The following LDB2 variants were observed in gnomAD, a reference collection of about 807,000 sequenced individuals.
LDB2 encodes LIM domain binding 2.
In LDB2, 12 loss-of-function variants were observed where a neutral mutation model predicts 44.3. The observed-to-expected ratio is 0.27, with a 90% confidence interval of 0.17 to 0.44. The LOEUF (loss-of-function observed/expected upper bound fraction) is 0.44, where lower values mean the gene tolerates loss of function less well. Ranked by LOEUF, LDB2 falls within the 20% of genes least tolerant of loss-of-function variation. The probability of loss-of-function intolerance (pLI) is 1.00; values close to 1 mark genes in which losing one functional copy is unlikely to be tolerated. For synonymous variants in LDB2, 164 were observed against 174.8 expected (o/e 0.94, Z 0.49); for missense variants, 344 against 473.5 (o/e 0.73, Z 2.54).
intron 2 of LDB2, among the ~76,000 whole-genome samples, chr4:16,671,009 C>T (rs1308020601): frequency 2.6e-5 from 4 of 151,688 alleles, no homozygotes; most frequent in Non-Finnish European, 5.9e-5. Flanking sequence ...GTAGAACCCA[C>T]AGCCTGTCTT....
chr4:16,836,135 C>T (rs1784846481), intron 1 of LDB2, among the ~76,000 whole-genome samples: 1 of 152,144 alleles, frequency 6.6e-6, no homozygotes, highest in Non-Finnish European at 1.5e-5. Context: ...ATTCATTTTC[C>T]AAAGATAATG....
At chr4:16,586,506 AC>A (rs59802047) in intron 4 of LDB2, among the ~76,000 whole-genome samples, 34,096 of 136,534 alleles carry the variant, frequency 0.25, 4,007 homozygotes, top group East Asian at 0.32. Flanking sequence ...ACACACACAC[AC>A]ACACACACAC....
At chr4:16,544,538 G>A (rs1735020537) in intron 5 of LDB2, among the ~76,000 whole-genome samples, 1 of 152,196 alleles carries the variant, frequency 6.6e-6, no homozygotes, top group South Asian at 2.1e-4. Context: ...ACAACTGAGT[G>A]GAAACAGCTG....
chr4:16,839,788 A>G (rs551519810), intron 1 of LDB2, among the ~76,000 whole-genome samples: 123 of 152,292 alleles, frequency 8.1e-4, no homozygotes, highest in Admixed American at 3.5e-3. Flanking sequence ...ATGAGCTTCA[A>G]TATATCCATT....
intron 1 of LDB2, among the ~76,000 whole-genome samples, chr4:16,856,012 G>T (rs1029576365): frequency 6.6e-6 from 1 of 152,064 alleles, no homozygotes; most frequent in Non-Finnish European, 1.5e-5. Context: ...TAGCAACAAA[G>T]AATATTTATA....
chr4:16,536,075 G>A (rs771535100), intron 5 of LDB2, among the ~76,000 whole-genome samples: 11 of 152,202 alleles, frequency 7.2e-5, no homozygotes, highest in Non-Finnish European at 1.5e-4. Context: ...GCTGGACGGA[G>A]CACTAGGCCA....
intron 5 of LDB2, among the ~76,000 whole-genome samples, chr4:16,553,284 C>A (rs750898869): frequency 6.6e-6 from 1 of 152,122 alleles, no homozygotes; most frequent in Non-Finnish European, 1.5e-5. Context: ...TCCTTAGTAG[C>A]TGGAACTACA....
chr4:16,510,412 G>A (rs915507225), intron 6 of LDB2, among the ~76,000 whole-genome samples: 5 of 152,152 alleles, frequency 3.3e-5, no homozygotes, highest in African/African-American at 7.2e-5. Context: ...TCATGGAGTT[G>A]AATAAAGGGT....
chr4:16,800,709 C>T (rs1332662438), intron 1 of LDB2, among the ~76,000 whole-genome samples: 1 of 152,214 alleles, frequency 6.6e-6, no homozygotes. Context: ...GAGTCTCGCT[C>T]TGTCGCCCAG....
At chr4:16,558,845 G>A (rs1412587904) in intron 5 of LDB2, among the ~76,000 whole-genome samples, 1 of 152,226 alleles carries the variant, frequency 6.6e-6, no homozygotes, top group Non-Finnish European at 1.5e-5. Context: ...AAGCCCATCA[G>A]ACTAACAGCA....
chr4:16,780,909 T>C (rs552471544), intron 1 of LDB2, among the ~76,000 whole-genome samples: 18 of 152,302 alleles, frequency 1.2e-4, no homozygotes, highest in African/African-American at 4.3e-4. Flanking sequence ...TCTAATAAAG[T>C]TTAGGGCTTA....
chr4:16,787,812 C>T (rs1490725550), intron 1 of LDB2, among the ~76,000 whole-genome samples: 1 of 152,182 alleles, frequency 6.6e-6, no homozygotes, highest in Admixed American at 6.5e-5. Flanking sequence ...AAGGATTTGG[C>T]AGGATTTCAT....
chr4:16,754,560 C>G (rs1766127727), intron 2 of LDB2, among the ~76,000 whole-genome samples: 1 of 150,154 alleles, frequency 6.7e-6, no homozygotes, highest in Non-Finnish European at 1.5e-5. Flanking sequence ...CAGAGTCTCG[C>G]TCTGTCACCC....
intron 2 of LDB2, chr4:16,674,209 A>G: frequency 7.8e-7 from 1 of 1,284,640 alleles, no homozygotes; most frequent in South Asian, 1.2e-5. Flanking sequence ...CCTTTGGTCA[A>G]ACAGAAAAGC....
At chr4:16,729,640 T>C (rs1760312423) in intron 2 of LDB2, among the ~76,000 whole-genome samples, 3 of 152,168 alleles carry the variant, frequency 2.0e-5, no homozygotes, top group African/African-American at 7.2e-5. Flanking sequence ...CCTCTTCCTA[T>C]TATACACCTC....
chr4:16,723,046 G>A (rs1258255946), intron 2 of LDB2, among the ~76,000 whole-genome samples: 1 of 152,198 alleles, frequency 6.6e-6, no homozygotes, highest in Non-Finnish European at 1.5e-5. Context: ...TTTTCCGGAT[G>A]TAACTCCACA....
chr4:16,845,834 G>A (rs536623288), intron 1 of LDB2, among the ~76,000 whole-genome samples: 25 of 152,264 alleles, frequency 1.6e-4, no homozygotes, highest in East Asian at 5.8e-4. Context: ...AAGCCTGGGC[G>A]CGGTGGCTCC....
At chr4:16,747,807 T>A (rs753075876) in intron 2 of LDB2, among the ~76,000 whole-genome samples, 44 of 152,186 alleles carry the variant, frequency 2.9e-4, no homozygotes, top group Non-Finnish European at 5.9e-4. Flanking sequence ...ACCATGTGTG[T>A]CTATGAGGAA....
intron 1 of LDB2, among the ~76,000 whole-genome samples, chr4:16,842,995 G>T (rs933412769): frequency 6.6e-6 from 1 of 152,086 alleles, no homozygotes. Flanking sequence ...ATATTGCAAA[G>T]AGCAATATTG....
Sources: allele counts gnomAD v4.1 joint callset (sites outside exome capture counted in the v4.1 genomes callset), GRCh38; gene constraint gnomAD v4.1.1; transcripts MANE v1.5; gene names NCBI Gene and HGNC (gene_info 2026-07-23, HGNC 2026-07-21).